The following INTS1 variants were observed in gnomAD, a reference collection of about 807,000 sequenced individuals.
The protein encoded by INTS1 is integrator complex subunit 1.
A neutral mutation model predicts 241.6 loss-of-function variants in INTS1; 137 were observed. That is an observed-to-expected ratio of 0.57 (90% CI 0.49 to 0.65). INTS1 has a LOEUF of 0.65. Ranked by LOEUF, INTS1 falls within the 30% of genes least tolerant of loss-of-function variation. The pLI is 0.00. For synonymous variants in INTS1, 1,692 were observed against 1,337.8 expected (o/e 1.26, Z -5.78); for missense variants, 3,073 against 3,032.2 (o/e 1.01, Z -0.32).
intron 2 of INTS1, 44 bp from the exon 3 acceptor site, chr7:1,503,235 C>G (rs1388072259): frequency 6.6e-7 from 1 of 1,504,194 alleles, no homozygotes; most frequent in Non-Finnish European, 8.9e-7. Flanking sequence ...TTGCAACACC[C>G]AAGATGGAAA....
Position 1,500,749 on chromosome 7 carries a change from G to A in INTS1, c.350-383C>T, listed in dbSNP as rs146606827. The A allele has an allele frequency of 3.7e-4, 70 of 190,980 alleles. No homozygotes were observed. In the East Asian group the frequency reaches 6.9e-3, roughly 19 times the overall value. 11.8% of individuals were successfully genotyped at this position (190,980 alleles called of 1,614,324 possible). ...ACCGCAGCACAGTGGCCCTCTCTCCGCACCCACCCCAGCTCCAGTCTCCAG... is the reference window on the plus strand; with the variant it reads ...ACCGCAGCACAGTGGCCCTCTCTCCACACCCACCCCAGCTCCAGTCTCCAG... On this transcript the variant is annotated intron_variant, in intron 3 of 47. Coordinates refer to ENST00000404767, the MANE Select transcript of INTS1 (RefSeq NM_001080453.3).
intron 19 of INTS1, 106 bp downstream of exon 19, chr7:1,487,654 C>A (rs1001111273): frequency 1.4e-6 from 2 of 1,419,564 alleles, no homozygotes; most frequent in African/African-American, 2.8e-5. Flanking sequence ...CAGGTTCTGC[C>A]GCAGTGCGGT....
rs1473823379 is a variant in INTS1 at position 1,493,193 on chromosome 7, C to A, written c.2069-87G>T. On this transcript the variant is annotated intron_variant, in intron 15 of 47. Transcript: ENST00000404767. The surrounding 1 kb of genome is among the most constrained non-coding windows in gnomAD (Gnocchi z 5.3). ...GAGGGAACCGGCCCTGCTCGGGCCG[C>A]GTCGGGGTGGGGTGGGGGATGCCGC... 3.1e-5 allele frequency: 19 copies of A among 611,532 alleles called. No homozygotes were observed. Among genetic ancestry groups the A allele is most frequent in the Non-Finnish European group, 5.2e-5 (19 of 363,390 alleles). The allele number at this position is 611,532 out of a possible 1,614,324, so 37.9% of individuals were successfully genotyped here.
rs1370082246 is a variant in INTS1, at chr7:1,494,057, C to G, written c.1911-146G>C. On this transcript the variant is annotated intron_variant, in intron 14 of 47. Coordinates refer to ENST00000404767, the MANE Select transcript of INTS1 (RefSeq NM_001080453.3). ...CCTCCCACGAGCCTATCCCCTCCAA[C>G]CTGAGCCTCCCTTTGCAGGACAGGA... 1.8e-5 allele frequency: 19 copies of G among 1,030,728 alleles called. No individual in the cohort carries two copies. The South Asian group carries it at 3.1e-4, about 17-fold the overall frequency. 63.8% of individuals were successfully genotyped at this position (1,030,728 alleles called of 1,614,324 possible).
At chr7:1,501,833 G>A (rs984818826) in intron 3 of INTS1, among the ~76,000 whole-genome samples, 1 of 152,126 alleles carries the variant, frequency 6.6e-6, no homozygotes, top group African/African-American at 2.4e-5. Flanking sequence ...TGCCCACAGC[G>A]CCCAGCCTCA....
At position 1,481,744 on chromosome 7, in the gene INTS1, T is replaced by C. The variant is rs1417986122; in HGVS notation, c.3704-256A>G. On this transcript the variant is annotated intron_variant, in intron 27 of 47. Coordinates refer to ENST00000404767, the MANE Select transcript of INTS1 (RefSeq NM_001080453.3). This position sits in a 1 kb window ranked among gnomAD's most constrained non-coding sequence, Gnocchi z 6.8. ...ACACTCGGCAGCCCCACCCGAGACC[T>C]GGGGCAGTGCACACTCGGCAGCCCC... Among the ~76,000 whole-genome samples, 33 of 142,198 alleles carry C rather than the reference T, an allele frequency of 2.3e-4. No homozygotes were observed. Among genetic ancestry groups the C allele is most frequent in the African/African-American group, 8.8e-4 (33 of 37,474 alleles). The allele number at this position is 142,198 out of a possible 152,430, so 93.3% of individuals were successfully genotyped here. A position where few individuals can be genotyped will look rare whatever the true frequency, so the allele number is the denominator to read the frequency against.
rs1562484103 is a variant in INTS1 at position 1,473,189 on chromosome 7, G to T, written c.5958-5C>A. The T allele has an allele frequency of 6.3e-7, 1 of 1,599,388 alleles. No homozygotes were observed. Among genetic ancestry groups the T allele is most frequent in the East Asian group, 2.2e-5 (1 of 44,742 alleles). ...CTGTTGTCGAAGGACAGGTCGCTGG[G>T]GAGAGAAGATGCTTTCACCTGGGAG... On this transcript the variant is annotated splice_polypyrimidine_tract_variant and splice_region_variant and intron_variant, in intron 42 of 47. Coordinates refer to ENST00000404767, the MANE Select transcript of INTS1 (RefSeq NM_001080453.3).
chr7:1,479,914 C>T (rs1312387146), intron 30 of INTS1, among the ~76,000 whole-genome samples: 1 of 152,172 alleles, frequency 6.6e-6, no homozygotes, highest in East Asian at 1.9e-4. Flanking sequence ...CAAAGGTGTC[C>T]AGAGCCTGCC....
In INTS1 at chr7:1,500,260, G is replaced by A. The variant is rs531230950; in HGVS notation, c.456C>T (p.Thr152=). 6.2e-7 allele frequency: 1 copy of A among 1,603,736 alleles called. No homozygotes were observed. The highest frequency in any genetic ancestry group is 1.1e-5 in the South Asian group (1 of 89,330). Residue 152 remains threonine, a synonymous_variant, in exon 4 of 48, where the codon ACC becomes ACT. Transcript: ENST00000404767. ...LCGAVKQLKV[T]RAKPDSTLYL... ...AGAGGGTGCTGTCAGGCTTGGCGCG[G>A]GTGACCTTCAGCTGCTTCACGGCCC...
Position 1,502,946 on chromosome 7 carries a change from C to T in INTS1, c.304G>A (p.Ala102Thr), listed in dbSNP as rs769665402. 5 of 1,613,682 alleles carry T rather than the reference C, an allele frequency of 3.1e-6. No individual in the cohort carries two copies. The East Asian group carries it at 8.9e-5, about 29-fold the overall frequency. ...GGCTCTTTAATCGACGGAGAAATGG[C>T]TCGTTTTTCTGCCACTGCAGCCTCA... is the stretch of plus-strand genomic sequence containing the variant. ...LAEAAVAEKR[A>T]ISPSIKEPSV... Residue 102 changes from alanine (A) to threonine (T), a missense_variant, in exon 3 of 48, where the codon GCC (alanine) becomes ACC (threonine). Coordinates refer to ENST00000404767, the MANE Select transcript of INTS1 (RefSeq NM_001080453.3).
At chr7:1,492,835 G>A (rs577214990) in intron 16 of INTS1, among the ~76,000 whole-genome samples, 175 bp downstream of exon 16, 10 of 150,864 alleles carry the variant, frequency 6.6e-5, no homozygotes, top group Admixed American at 5.9e-4. Context: ...GGGCTTACCC[G>A]GGCGGGAGTG....
intron 31 of INTS1, among the ~76,000 whole-genome samples, 194 bp downstream of exon 31, chr7:1,479,236 C>T (rs1459107462): frequency 2.0e-5 from 3 of 152,262 alleles, no homozygotes; most frequent in Non-Finnish European, 4.4e-5. Flanking sequence ...GCCGCACTGC[C>T]CCCACCTCCC....
At chr7:1,473,305 G>A (rs1191003075) in intron 42 of INTS1, 121 bp from the exon 43 acceptor site, 7 of 708,298 alleles carry the variant, frequency 9.9e-6, no homozygotes, top group African/African-American at 5.3e-5. Context: ...AGGCCAGGAC[G>A]CTCAGAGGGA....
chr7:1,480,521 A>T, intron 29 of INTS1, 80 bp from the exon 30 acceptor site: 1 of 1,488,110 alleles, frequency 6.7e-7, no homozygotes, highest in East Asian at 2.4e-5. Flanking sequence ...AGCCATGGCG[A>T]GTCCTGCCCG....
chr7:1,479,793 T>C, intron 30 of INTS1, 109 bp from the exon 31 acceptor site: 1 of 1,217,606 alleles, frequency 8.2e-7, no homozygotes, highest in Non-Finnish European at 1.1e-6. Flanking sequence ...CGTCCCATCG[T>C]GTCCCTGTTC....
In INTS1 at chr7:1,482,685, C is replaced by T. The variant is rs1456250716; in HGVS notation, c.3564G>A (p.Ala1188=). ...PPRADDSEFQ[A]LLDIWFPEEK... ...CCTCCGGAAACCAGATGTCCAGCAGCGCCTGGAACTCGCTGTCGTCGGCTT... is the reference window on the plus strand; with the variant it reads ...CCTCCGGAAACCAGATGTCCAGCAGTGCCTGGAACTCGCTGTCGTCGGCTT... Residue 1188 remains alanine, a synonymous_variant, in exon 27 of 48, where the codon GCG becomes GCA. Transcript: ENST00000404767. 12 of 1,612,694 alleles carry T rather than the reference C, an allele frequency of 7.4e-6. No individual in the cohort carries two copies. Among genetic ancestry groups the T allele is most frequent in the East Asian group, 4.5e-5 (2 of 44,880 alleles).
intron 29 of INTS1, 111 bp from the exon 30 acceptor site, chr7:1,480,552 A>G: frequency 7.9e-7 from 1 of 1,260,748 alleles, no homozygotes; most frequent in South Asian, 1.5e-5. Context: ...CCCAGGAGGA[A>G]GAGCTCAGAC....
chr7:1,479,333 G>A (rs909642809), intron 31 of INTS1, 97 bp downstream of exon 31: 3 of 1,365,796 alleles, frequency 2.2e-6, no homozygotes, highest in Non-Finnish European at 3.0e-6. Flanking sequence ...TGAGACCCAA[G>A]ACCCACAGAG....
In INTS1 at chr7:1,472,286, GC is replaced by G; in HGVS notation, c.6170del (p.Gly2057AlafsTer11). 1 of 1,554,972 alleles carries G rather than the reference GC, an allele frequency of 6.4e-7. No individual in the cohort carries two copies. Among genetic ancestry groups the G allele is most frequent in the Non-Finnish European group, 8.7e-7 (1 of 1,149,564 alleles). ...MAPYMKRLSRGQTVEDLLEVL... is the reference protein window; with the variant it reads ...MAPYMKRLSRXQTVEDLLEVL... ...GGCCTGACTCACCCTCCACCGTTTG[GC>G]CCCGGGAAAGCCGTTTCATGTAGGG... is the stretch of plus-strand genomic sequence containing the variant. On this transcript the variant is annotated frameshift_variant, in exon 44 of 48. Coordinates refer to ENST00000404767, the MANE Select transcript of INTS1 (RefSeq NM_001080453.3). LOFTEE classifies it high-confidence loss of function.
Sources: gnomAD v4.1 joint callset for allele counts (sites outside exome capture counted in the v4.1 genomes callset) on GRCh38, gnomAD v4.1.1 for gene constraint, Gnocchi (gnomAD v3.1) non-coding constraint, MANE v1.5 for transcripts, NCBI Gene and HGNC (gene_info 2026-07-23, HGNC 2026-07-21) for gene names.